The following MYO9B variants were observed in gnomAD, a reference collection of about 807,000 sequenced individuals.
MYO9B encodes the protein unconventional myosin-IXb.
MYO9B carries 71 observed loss-of-function variants against 229.5 expected under a neutral mutation model. The observed-to-expected ratio is 0.31, with a 90% CI of 0.26 to 0.38. The LOEUF (loss-of-function observed/expected upper bound fraction) is 0.38. Among genes scored for constraint, MYO9B ranks in the 10% least tolerant of loss-of-function variants. MYO9B has a pLI of 1.00. For synonymous variants in MYO9B, 1,185 were observed against 1,235.8 expected, an observed-to-expected ratio of 0.96 and a Z score of 0.86; for missense variants, 2,255 against 2,920.5, an observed-to-expected ratio of 0.77 and a Z score of 5.25.
rs1271553924 is a variant in MYO9B at position 17,175,659 on chromosome 19, G to A, written c.2141-4G>A. 12 of 1,567,290 alleles carry A rather than the reference G, an allele frequency of 7.7e-6. No homozygotes were observed. Among genetic ancestry groups the A allele is most frequent in the Non-Finnish European group, 1.0e-5 (12 of 1,157,294 alleles). On this transcript the variant is annotated splice_polypyrimidine_tract_variant and splice_region_variant and intron_variant, in intron 13 of 39. Transcript: ENST00000682292. ...CACCACCATCCACTCTGTGTCTCCG[G>A]CAGGTATGAGCAGCCCTGGTGCCCA...
chr19:17,144,559 T>C (rs2145230551), intron 2 of MYO9B, among the ~76,000 whole-genome samples: 1 of 151,406 alleles, frequency 6.6e-6, no homozygotes, highest in South Asian at 2.1e-4. Flanking sequence ...ATCGCAACAC[T>C]GCACTCCAGC....
chr19:17,195,520 G>A lies in MYO9B; in HGVS notation c.4046+47G>A. On this transcript the variant is annotated intron_variant, in intron 22 of 39. Coordinates refer to ENST00000682292, the MANE Select transcript of MYO9B (RefSeq NM_004145.4). The surrounding 1 kb of genome is among the most constrained non-coding windows in gnomAD (Gnocchi z 4.5). ...GTCTGAGCACCAGGGTCCAGGCCAG[G>A]TGGGCAAGGCCAGGGGCAGTGCCAC... The A allele has an allele frequency of 6.5e-7, 1 of 1,544,278 alleles. No individual in the cohort carries two copies. Among genetic ancestry groups the A allele is most frequent in the Non-Finnish European group, 8.7e-7 (1 of 1,151,554 alleles).
chr19:17,212,494 GCCCCC>G lies in MYO9B; in HGVS notation c.*185_*189del. The G allele has an allele frequency of 3.0e-6, 2 of 657,290 alleles. No homozygotes were observed. The highest frequency in any genetic ancestry group is 4.7e-6 in the Non-Finnish European group (2 of 421,944). 40.7% of individuals were successfully genotyped at this position (657,290 alleles called of 1,614,324 possible). ...GCAGGGAGAGGCCGGCTGGAGCCAGGCCCCCTCGCACGCAGCCCCCAAATCATGGA... is the reference window on the plus strand; with the variant it reads ...GCAGGGAGAGGCCGGCTGGAGCCAGGTCGCACGCAGCCCCCAAATCATGGA... On this transcript the variant is annotated 3_prime_UTR_variant, in exon 40 of 40. Transcript: ENST00000682292. The surrounding 1 kb of genome is among the most constrained non-coding windows in gnomAD (Gnocchi z 5.4).
At chr19:17,211,114 T>C (rs2073224028) in intron 38 of MYO9B, among the ~76,000 whole-genome samples, 1 of 150,928 alleles carries the variant, frequency 6.6e-6, no homozygotes. Context: ...TCCGAGTAGC[T>C]GGGATTACAG....
chr19:17,133,147 A>G (rs1334637587), intron 2 of MYO9B, among the ~76,000 whole-genome samples: 1 of 152,018 alleles, frequency 6.6e-6, no homozygotes, highest in Admixed American at 6.6e-5. Flanking sequence ...CGCCCGGCCT[A>G]TTTTATTTCT....
intron 17 of MYO9B, among the ~76,000 whole-genome samples, 173 bp from the exon 18 acceptor site, chr19:17,185,748 G>A (rs1568291514): frequency 6.6e-6 from 1 of 152,034 alleles, no homozygotes; most frequent in Admixed American, 6.6e-5. Context: ...GATAGCGCAG[G>A]CTTGGGTCAG....
At chr19:17,170,831 T>TTAAAA (rs1555700216) in intron 11 of MYO9B, among the ~76,000 whole-genome samples, 9 of 120,868 alleles carry the variant, frequency 7.4e-5, no homozygotes, top group Non-Finnish European at 1.5e-4. Flanking sequence ...CTCTAAAAAT[T>TTAAAA]AAAAAAAAAA....
At chr19:17,137,517 A>C (rs1182173610) in intron 2 of MYO9B, among the ~76,000 whole-genome samples, 1 of 152,080 alleles carries the variant, frequency 6.6e-6, no homozygotes, top group Non-Finnish European at 1.5e-5. Context: ...GGACCAGGTC[A>C]TCTCTCTCTG....
intron 2 of MYO9B, among the ~76,000 whole-genome samples, chr19:17,113,089 CGTCT>C (rs1005254317): frequency 1.3e-5 from 2 of 152,196 alleles, no homozygotes; most frequent in African/African-American, 4.8e-5. Flanking sequence ...AGTCAGCACC[CGTCT>C]GTCTGTCAAA....
chr19:17,201,025 G>A (rs1014368961), intron 26 of MYO9B, among the ~76,000 whole-genome samples, 196 bp downstream of exon 26: 2 of 152,200 alleles, frequency 1.3e-5, no homozygotes, highest in African/African-American at 4.8e-5. Context: ...AATCACTTGG[G>A]CCCAGCAGTT....
chr19:17,187,839 C>A (rs1335817733), intron 18 of MYO9B, 96 bp from the exon 19 acceptor site: 2 of 968,858 alleles, frequency 2.1e-6, no homozygotes, highest in Non-Finnish European at 3.1e-6. Context: ...TGGGGAAGTG[C>A]CCTCATCTCA....
rs2072734491 is a variant in MYO9B, at chr19:17,172,407, T to C, written c.1865T>C (p.Leu622Pro). Reference sequence around the variant, plus strand: ...CAACATGAGGACAATAAGTACTTCCTGGGCACCCCGGTCATGGAGCCAGCT... The same window carrying C: ...CAACATGAGGACAATAAGTACTTCCCGGGCACCCCGGTCATGGAGCCAGCT... The part of the protein sequence containing the change: ...KQQHEDNKYF[L>P]GTPVMEPAFI... Residue 622 changes from leucine to proline, a missense_variant, in exon 12 of 40, where the codon CTG becomes CCG. This residue lies in a region of MYO9B where 220 missense variants were observed against 404.5 expected (regional missense o/e 0.54). Transcript: ENST00000682292. This position sits in a 1 kb window ranked among gnomAD's most constrained non-coding sequence, Gnocchi z 8.2. The C allele has an allele frequency of 3.7e-6, 6 of 1,613,968 alleles. No homozygotes were observed. Among genetic ancestry groups the C allele is most frequent in the Non-Finnish European group, 5.1e-6 (6 of 1,179,866 alleles).
rs182380171 is a variant in MYO9B, at chr19:17,087,305, G to A, written c.-59+11431G>A. On this transcript the variant is annotated intron_variant, in intron 1 of 39. Transcript: ENST00000682292. ...CCTGGGAAGGGACTTTCTCCAGGGC[G>A]TGGGGTTTAGAACAGTCAGGCCAGA... 2.4e-4 allele frequency among the ~76,000 whole-genome samples: 36 copies of A among 152,162 alleles called. No homozygotes were observed. The East Asian group carries it at 6.2e-3, about 26-fold the overall frequency.
chr19:17,102,651 A>G (rs972408498), intron 2 of MYO9B, 94 bp downstream of exon 2: 157 of 1,433,730 alleles, frequency 1.1e-4, no homozygotes, highest in Admixed American at 2.3e-4. Flanking sequence ...CTATAATCCC[A>G]ATGCTTTGGA....
intron 2 of MYO9B, 55 bp downstream of exon 2, chr19:17,102,612 G>T (rs2057755976): frequency 1.3e-6 from 2 of 1,481,968 alleles, no homozygotes; most frequent in South Asian, 2.6e-5. Flanking sequence ...GGAAAATGCG[G>T]GTTTCAGGCC....
chr19:17,188,381 A>G (rs1300623877), intron 19 of MYO9B, among the ~76,000 whole-genome samples: 2 of 142,084 alleles, frequency 1.4e-5, no homozygotes, highest in Non-Finnish European at 3.0e-5. Context: ...GTGAGCCAAG[A>G]TTGAGCCACT....
At chr19:17,185,665 C>A (rs1335191711) in intron 17 of MYO9B, among the ~76,000 whole-genome samples, 4 of 151,678 alleles carry the variant, frequency 2.6e-5, no homozygotes, top group Admixed American at 6.6e-5. Context: ...CCCAGCCTTC[C>A]ACCTGAGGCA....
At chr19:17,184,090 G>A (rs772268194) in intron 16 of MYO9B, 45 of 572,418 alleles carry the variant, frequency 7.9e-5, no homozygotes, top group Admixed American at 4.3e-4. Flanking sequence ...ACACACAGCG[G>A]CTTATGGAAG....
Position 17,188,050 on chromosome 19 carries a change from G to A in MYO9B, c.2688+5G>A. 1 of 1,580,610 alleles carries A rather than the reference G, an allele frequency of 6.3e-7. No homozygotes were observed. The highest frequency in any genetic ancestry group is 2.3e-5 in the East Asian group (1 of 43,066). On this transcript the variant is annotated splice_donor_5th_base_variant and intron_variant, in intron 19 of 39. Coordinates refer to ENST00000682292, the MANE Select transcript of MYO9B (RefSeq NM_004145.4). ...AGCGCCAAGTACACGTTCCAGGTAG[G>A]CCACAAGCACATATACCTGGACACA...
Sources: gnomAD v4.1 joint callset for allele counts (sites outside exome capture counted in the v4.1 genomes callset) on GRCh38, gnomAD v4.1.1 for gene constraint, gnomAD v4.1.1 regional missense constraint, Gnocchi (gnomAD v3.1) non-coding constraint, MANE v1.5 for transcripts, NCBI Gene and HGNC (gene_info 2026-07-23, HGNC 2026-07-21) for gene names.